Variants in GZMA observed in about 807,000 individuals in gnomAD.
GZMA encodes the protein CTL tryptase.
A neutral mutation model predicts 21.1 loss-of-function variants in GZMA; 17 were observed. The ratio of observed to expected loss-of-function variants is 0.81; its 90% CI spans 0.55 to 1.21. The LOEUF is 1.21. Ranked by LOEUF, GZMA falls within the 50% of genes most tolerant of loss-of-function variation. The probability of loss-of-function intolerance (pLI) is 0.00; values close to 1 mark genes in which losing one functional copy is unlikely to be tolerated. For synonymous variants in GZMA, 90 were observed against 107.8 expected, an observed-to-expected ratio of 0.83 and a Z score of 1.03; for missense variants, 306 against 315.9, an observed-to-expected ratio of 0.97 and a Z score of 0.24.
Position 55,106,279 on chromosome 5 carries a change from AATAAAATAAAATAAAATAAAAT to A in GZMA, c.215+680_215+701del, listed in dbSNP as rs1742413483. 4.4e-4 allele frequency among the ~76,000 whole-genome samples: 7 copies of A among 15,968 alleles called. 3 individuals carry two copies. The highest frequency in any genetic ancestry group is 3.6e-3 in the East Asian group (2 of 558). 10.5% of individuals were successfully genotyped at this position (15,968 alleles called of 152,430 possible). On this transcript the variant is annotated intron_variant, in intron 2 of 4. Coordinates refer to ENST00000274306, the MANE Select transcript of GZMA (RefSeq NM_006144.4). ...AAATAAAATAAATAAAATAAAATAA[AATAAAATAAAATAAAATAAAAT>A]ATAAAATAAAATAAAATATAAAATA... is the stretch of plus-strand genomic sequence containing the variant.
Position 55,106,318 on chromosome 5 carries a change from T to TAAAACAAA in GZMA, c.215+701_215+702insAAACAAAA, listed in dbSNP as rs1415586937. On this transcript the variant is annotated intron_variant, in intron 2 of 4. Coordinates refer to ENST00000274306, the MANE Select transcript of GZMA (RefSeq NM_006144.4). ...AAATAAAATATAAAATAAAATAAAA[T>TAAAACAAA]ATAAAATAAAATAAAATAAATAAAA... Among the ~76,000 whole-genome samples the TAAAACAAA allele has an allele frequency of 1.6e-5, 2 of 128,340 alleles. 1 individual carries two copies. Among genetic ancestry groups the TAAAACAAA allele is most frequent in the African/African-American group, 7.1e-5 (2 of 28,258 alleles). 84.2% of individuals were successfully genotyped at this position (128,340 alleles called of 152,430 possible).
Position 55,102,772 on chromosome 5 carries a change from T to C in GZMA, c.70+20T>C. On this transcript the variant is annotated intron_variant, in intron 1 of 4. Coordinates refer to ENST00000274306, the MANE Select transcript of GZMA (RefSeq NM_006144.4). ...CTGAAGGTAAGACTGATTCTTCTCATTTCCATTATGACCATGAAGCAAAAT... is the reference window on the plus strand; with the variant it reads ...CTGAAGGTAAGACTGATTCTTCTCACTTCCATTATGACCATGAAGCAAAAT... The C allele has an allele frequency of 6.6e-7, 1 of 1,515,228 alleles. No individual in the cohort carries two copies. The highest frequency in any genetic ancestry group is 9.2e-7 in the Non-Finnish European group (1 of 1,089,816). 93.9% of individuals were successfully genotyped at this position (1,515,228 alleles called of 1,614,324 possible). A position where few individuals can be genotyped will look rare whatever the true frequency, so the allele number is the denominator to read the frequency against.
At position 55,108,256 on chromosome 5, in the gene GZMA, C is replaced by T. The variant is rs754612547; in HGVS notation, c.489C>T (p.Ser163=). 3.9e-5 allele frequency: 63 copies of T among 1,613,846 alleles called. No homozygotes were observed. The highest frequency in any genetic ancestry group is 3.1e-4 in the South Asian group (28 of 91,064). The part of the protein sequence containing the change: ...WGRTHNSASW[S]DTLREVNITI... ...GGACTCACAATAGTGCATCTTGGTCCGATACTCTGAGAGAAGTCAATATCA... is the reference window on the plus strand; with the variant it reads ...GGACTCACAATAGTGCATCTTGGTCTGATACTCTGAGAGAAGTCAATATCA... Residue 163 remains serine (S), a synonymous_variant, in exon 4 of 5, where the codon TCC becomes TCT. Coordinates refer to ENST00000274306, the MANE Select transcript of GZMA (RefSeq NM_006144.4).
At chr5:55,107,680 A>G (rs1333357078) in intron 2 of GZMA, 114 bp from the exon 3 acceptor site, 3 of 627,398 alleles carry the variant, frequency 4.8e-6, no homozygotes, top group South Asian at 3.5e-5. Flanking sequence ...CTGAGCCACA[A>G]AGAAATCTCC....
chr5:55,107,803 GT>G lies in GZMA; in HGVS notation c.226del (p.Ser76ProfsTer10). 6.2e-7 allele frequency: 1 copy of G among 1,612,812 alleles called. No individual in the cohort carries two copies. Among genetic ancestry groups the G allele is most frequent in the Non-Finnish European group, 8.5e-7 (1 of 1,178,964 alleles). On this transcript the variant is annotated frameshift_variant, in exon 3 of 5. Coordinates refer to ENST00000274306, the MANE Select transcript of GZMA (RefSeq NM_006144.4). LOFTEE classifies it high-confidence loss of function. ...TTGTGTCTGTTCTCAGGAACAAAAGGTCCCAGGTCATTCTTGGGGCTCACTC... is the reference window on the plus strand; with the variant it reads ...TTGTGTCTGTTCTCAGGAACAAAAGGCCCAGGTCATTCTTGGGGCTCACTC... Reference protein sequence around the residue: ...TAAHCNLNKRSQVILGAHSIT... With the variant: ...TAAHCNLNKRXQVILGAHSIT...
At chr5:55,104,215 T>C (rs1023870022) in intron 1 of GZMA, among the ~76,000 whole-genome samples, 1 of 152,208 alleles carries the variant, frequency 6.6e-6, no homozygotes, top group Non-Finnish European at 1.5e-5. Flanking sequence ...CCTGCTGTGC[T>C]CCTCTTTGTT....
chr5:55,105,582 C>A lies in GZMA; in HGVS notation c.179C>A (p.Ala60Glu), dbSNP rs1742373086. 6.2e-7 allele frequency: 1 copy of A among 1,613,774 alleles called. No homozygotes were observed. The highest frequency in any genetic ancestry group is 1.3e-5 in the African/African-American group (1 of 75,020). The change falls in exon 2 of 5, where the codon GCA (alanine) becomes GAA (glutamate). Residue 60 changes from alanine (A) to glutamate (E), a missense_variant. Physicochemically the swap from Ala to Glu is moderately radical, Grantham distance 107 (BLOSUM62 -1). Transcript: ENST00000274306. ...ACCATCTGTGCTGGGGCTTTGATTG[C>A]AAAAGACTGGGTGTTGACTGCAGCT... ...RKTICAGALI[A>E]KDWVLTAAHC...
chr5:55,104,186 A>G (rs1019302597), intron 1 of GZMA, among the ~76,000 whole-genome samples: 7 of 152,236 alleles, frequency 4.6e-5, no homozygotes, highest in African/African-American at 1.7e-4. Flanking sequence ...TTTTCTTCAA[A>G]GGAAAACAAC....
intron 4 of GZMA, among the ~76,000 whole-genome samples, chr5:55,109,039 C>T (rs1349625443): frequency 6.6e-6 from 1 of 152,146 alleles, no homozygotes; most frequent in African/African-American, 2.4e-5. Flanking sequence ...CTGAGTACTA[C>T]CTTGCATTTC....
intron 1 of GZMA, among the ~76,000 whole-genome samples, chr5:55,103,730 A>G (rs1267917983): frequency 6.6e-6 from 1 of 152,146 alleles, no homozygotes. Flanking sequence ...ATTTAGGTGC[A>G]TATCTGGTTT....
At chr5:55,102,924 C>T (rs1487497368) in intron 1 of GZMA, among the ~76,000 whole-genome samples, 172 bp downstream of exon 1, 2 of 151,850 alleles carry the variant, frequency 1.3e-5, no homozygotes, top group Non-Finnish European at 2.9e-5. Flanking sequence ...CTACTAGGAA[C>T]GCTGAGGTGG....
chr5:55,110,037 C>T lies in GZMA; in HGVS notation c.644C>T (p.Pro215Leu), dbSNP rs1554048160. ...RDSCNGDSGSPLLCEGVFRGV... is the reference protein window; with the variant it reads ...RDSCNGDSGSLLLCEGVFRGV... The stretch of plus-strand genomic sequence containing the variant: ...TTCCTCCAGGGAGATTCTGGAAGCC[C>T]TTTGTTGTGCGAGGGTGTTTTCCGA... Residue 215 changes from proline (P) to leucine (L), a missense_variant, in exon 5 of 5, where the codon CCT becomes CTT. Physicochemically the swap from Pro to Leu is moderately conservative, Grantham distance 98. Coordinates refer to ENST00000274306, the MANE Select transcript of GZMA (RefSeq NM_006144.4). 6.2e-7 allele frequency: 1 copy of T among 1,608,564 alleles called. No individual in the cohort carries two copies. The highest frequency in any genetic ancestry group is 1.7e-5 in the Admixed American group (1 of 58,922).
At chr5:55,106,987 C>A (rs539277718) in intron 2 of GZMA, among the ~76,000 whole-genome samples, 2 of 152,116 alleles carry the variant, frequency 1.3e-5, no homozygotes, top group South Asian at 2.1e-4. Flanking sequence ...GTTCTAAGGT[C>A]TTTTTCTTTT....
chr5:55,107,130 A>T (rs1401669293), intron 2 of GZMA, among the ~76,000 whole-genome samples: 3 of 152,174 alleles, frequency 2.0e-5, no homozygotes, highest in African/African-American at 7.2e-5. Flanking sequence ...TGGTTGGTGT[A>T]GTTTATACTA....
At chr5:55,102,974 C>A (rs56854666) in intron 1 of GZMA, among the ~76,000 whole-genome samples, 1 of 151,446 alleles carries the variant, frequency 6.6e-6, no homozygotes, top group Non-Finnish European at 1.5e-5. Context: ...CCAGGCTGGG[C>A]GACATAGTGA....
At position 55,108,231 on chromosome 5, in the gene GZMA, G is replaced by C. The variant is rs779513892; in HGVS notation, c.464G>C (p.Arg155Thr). 13 of 1,613,670 alleles carry C rather than the reference G, an allele frequency of 8.1e-6. No homozygotes were observed. The highest frequency in any genetic ancestry group is 1.1e-5 in the Non-Finnish European group (13 of 1,179,776). Reference sequence around the variant, plus strand: ...ATGTGCCAAGTTGCAGGGTGGGGCAGGACTCACAATAGTGCATCTTGGTCC... The same window carrying C: ...ATGTGCCAAGTTGCAGGGTGGGGCACGACTCACAATAGTGCATCTTGGTCC... ...GTMCQVAGWGRTHNSASWSDT... is the reference protein window; with the variant it reads ...GTMCQVAGWGTTHNSASWSDT... The change falls in exon 4 of 5, where the codon AGG (arginine) becomes ACG (threonine). Residue 155 changes from arginine (R) to threonine (T), a missense_variant. Physicochemically the swap from Arg to Thr is moderately conservative, Grantham distance 71. Transcript: ENST00000274306.
At chr5:55,105,660 C>G (rs770328933) in intron 2 of GZMA, 42 bp downstream of exon 2, 1 of 1,547,630 alleles carries the variant, frequency 6.5e-7, no homozygotes, top group Non-Finnish European at 8.9e-7. Context: ...TAAAGATACT[C>G]TAATTTGGGG....
At chr5:55,106,561 G>C (rs985337129) in intron 2 of GZMA, among the ~76,000 whole-genome samples, 1 of 152,126 alleles carries the variant, frequency 6.6e-6, no homozygotes, top group Non-Finnish European at 1.5e-5. Context: ...TCATGACTGC[G>C]TGACCAGGTA....
chr5:55,106,356 G>A lies in GZMA; in HGVS notation c.215+738G>A, dbSNP rs116883134. Among the ~76,000 whole-genome samples the A allele has an allele frequency of 1.3e-4, 19 of 147,132 alleles. No individual in the cohort carries two copies. The East Asian group carries it at 3.3e-3, about 26-fold the overall frequency. On this transcript the variant is annotated intron_variant, in intron 2 of 4. Coordinates refer to ENST00000274306, the MANE Select transcript of GZMA (RefSeq NM_006144.4). ...AAAATAAATAAAATAAAATAAAGTAGATCCCACTGAAGCCATGGGAGGTTC... is the reference window on the plus strand; with the variant it reads ...AAAATAAATAAAATAAAATAAAGTAAATCCCACTGAAGCCATGGGAGGTTC...
Sources: gnomAD v4.1 joint callset for allele counts (sites outside exome capture counted in the v4.1 genomes callset) on GRCh38, gnomAD v4.1.1 for gene constraint, MANE v1.5 for transcripts, NCBI Gene and HGNC (gene_info 2026-07-23, HGNC 2026-07-21) for gene names.